Variants in RNF123 observed in about 807,000 individuals in gnomAD.
The protein encoded by RNF123 is E3 ubiquitin-protein ligase RNF123.
RNF123 carries 86 observed loss-of-function variants against 168.5 expected under a neutral mutation model. That is an observed-to-expected ratio of 0.51 (90% confidence interval 0.43 to 0.61). The LOEUF (loss-of-function observed/expected upper bound fraction) is 0.61. Among genes scored for constraint, RNF123 ranks in the 20% least tolerant of loss-of-function variants. The pLI is 0.00. For missense variants in RNF123, 1,419 were observed against 1,729.7 expected, an observed-to-expected ratio of 0.82 and a Z score of 3.19; for synonymous variants, 666 against 689.1, an observed-to-expected ratio of 0.97 and a Z score of 0.52.
chr3:49,706,707 C>A, intron 25 of RNF123, 84 bp from the exon 26 acceptor site: 1 of 1,185,322 alleles, frequency 8.4e-7, no homozygotes, highest in Non-Finnish European at 1.3e-6. Flanking sequence ...CACTAGAGGG[C>A]CCTTCCTAGG....
intron 35 of RNF123, chr3:49,718,555 A>G: frequency 6.2e-7 from 1 of 1,613,096 alleles, no homozygotes; most frequent in Non-Finnish European, 8.5e-7. Context: ...CATGGCCGGG[A>G]CGCTGGTGTT....
chr3:49,718,595 G>A (rs2080306386), intron 35 of RNF123: 5 of 1,612,894 alleles, frequency 3.1e-6, no homozygotes, highest in Non-Finnish European at 3.4e-6. Flanking sequence ...CGACCCACCA[G>A]CGCGTACAGG....
intron 35 of RNF123, 46 bp from the exon 36 acceptor site, chr3:49,720,465 C>A (rs1455197455): frequency 6.6e-7 from 1 of 1,504,018 alleles, no homozygotes; most frequent in Non-Finnish European, 8.9e-7. Flanking sequence ...AGACTTTTAG[C>A]CAGGCCCCAA....
At chr3:49,694,351 A>G (rs1244939736) in intron 3 of RNF123, among the ~76,000 whole-genome samples, 1 of 152,202 alleles carries the variant, frequency 6.6e-6, no homozygotes, top group East Asian at 1.9e-4. Context: ...AGAAGTTTGC[A>G]TCCTATTTTT....
At chr3:49,698,702 G>A in intron 8 of RNF123, 53 bp from the exon 9 acceptor site, 1 of 1,596,944 alleles carries the variant, frequency 6.3e-7, no homozygotes, top group Middle Eastern at 1.7e-4. Flanking sequence ...GGGGTTCAGA[G>A]TCAGCAGGCT....
intron 20 of RNF123, 134 bp downstream of exon 20, chr3:49,702,887 G>A: frequency 7.3e-7 from 1 of 1,368,684 alleles, no homozygotes; most frequent in African/African-American, 1.4e-5. Context: ...GCCTGGTTGA[G>A]TCCTACCCAG....
chr3:49,718,024 G>A (rs758491355), intron 35 of RNF123: 3 of 1,613,708 alleles, frequency 1.9e-6, no homozygotes, highest in Non-Finnish European at 2.5e-6. Context: ...CAGGCCTCCA[G>A]GGTTGTAGAG....
chr3:49,700,216 C>T lies in RNF123; in HGVS notation c.985-11C>T. ...AGGCCACCACCTCACCAGTGCCTGG[C>T]CTTGGTGCAGCGCAAGGTGTATCTG... On this transcript the variant is annotated splice_polypyrimidine_tract_variant and intron_variant, in intron 12 of 38. Coordinates refer to ENST00000327697, the MANE Select transcript of RNF123 (RefSeq NM_022064.5). 1.2e-5 allele frequency: 19 copies of T among 1,613,972 alleles called. No individual in the cohort carries two copies. Among genetic ancestry groups the T allele is most frequent in the Non-Finnish European group, 1.6e-5 (19 of 1,179,960 alleles).
chr3:49,704,810 A>C, intron 22 of RNF123, 54 bp downstream of exon 22: 1 of 1,494,886 alleles, frequency 6.7e-7, no homozygotes, highest in Non-Finnish European at 9.0e-7. Flanking sequence ...CCTGTATCTT[A>C]TGGGCAGGGG....
At position 49,720,851 on chromosome 3, in the gene RNF123, C is replaced by G. The variant is rs1231352732; in HGVS notation, c.3695C>G (p.Ala1232Gly). 5.6e-6 allele frequency: 9 copies of G among 1,614,056 alleles called. No individual in the cohort carries two copies. Among genetic ancestry groups the G allele is most frequent in the Non-Finnish European group, 7.6e-6 (9 of 1,180,034 alleles). Reference sequence around the variant, plus strand: ...CTGGCCCAAGTGGAACAGATGCTGGCGCACCTGACCTCTGCATCTGCCCAG... The same window carrying G: ...CTGGCCCAAGTGGAACAGATGCTGGGGCACCTGACCTCTGCATCTGCCCAG... Reference protein sequence around the residue: ...DELAQVEQMLAHLTSASAQAA... With the variant: ...DELAQVEQMLGHLTSASAQAA... Residue 1232 changes from alanine (A) to glycine (G), a missense_variant, in exon 37 of 39, where the codon GCG becomes GGG. Around this residue, in one of 5 missense-constraint regions of RNF123, gnomAD observed 164 missense variants for 152.3 expected, o/e 1.08. Transcript: ENST00000327697.
Position 49,698,976 on chromosome 3 carries a change from C to G in RNF123, c.639-4C>G. On this transcript the variant is annotated splice_region_variant and splice_polypyrimidine_tract_variant and intron_variant, in intron 9 of 38. Coordinates refer to ENST00000327697, the MANE Select transcript of RNF123 (RefSeq NM_022064.5). The stretch of plus-strand genomic sequence containing the variant: ...CTGGCTCACAGACCCACCCTTCTCC[C>G]CAGGAACGGTGTATCACTGGGCACT... 1 of 1,613,766 alleles carries G rather than the reference C, an allele frequency of 6.2e-7. No individual in the cohort carries two copies.
At chr3:49,710,426 T>C (rs777022742) in intron 26 of RNF123, among the ~76,000 whole-genome samples, 30 of 152,118 alleles carry the variant, frequency 2.0e-4, no homozygotes, top group Non-Finnish European at 3.7e-4. Flanking sequence ...ACTATAGGCA[T>C]ACGCCACCAC....
At chr3:49,708,118 G>A (rs552651030) in intron 26 of RNF123, among the ~76,000 whole-genome samples, 188 of 152,030 alleles carry the variant, frequency 1.2e-3, no homozygotes, top group Non-Finnish European at 2.1e-3. Flanking sequence ...ATGTGCTACC[G>A]CGCCCAGCTA....
intron 35 of RNF123, 21 bp downstream of exon 35, chr3:49,716,498 G>A: frequency 6.2e-7 from 1 of 1,604,320 alleles, no homozygotes; most frequent in Non-Finnish European, 8.5e-7. Context: ...GGGACCGTGG[G>A]CCCCTGTGGG....
At chr3:49,713,054 G>A (rs1463254277) in intron 27 of RNF123, 1 of 640,472 alleles carries the variant, frequency 1.6e-6, no homozygotes, top group Non-Finnish European at 2.8e-6. Flanking sequence ...CACAGCAGGG[G>A]GTGGACCCTG....
At chr3:49,696,939 C>T (rs771579457) in intron 3 of RNF123, 44 of 564,274 alleles carry the variant, frequency 7.8e-5, no homozygotes, top group Non-Finnish European at 1.1e-4. Context: ...GGCCACCACA[C>T]CCGGCCTGGA....
rs777796703 is a variant in RNF123 at position 49,705,113 on chromosome 3, C to T, written c.2089C>T (p.Arg697Trp). The part of the protein sequence containing the change: ...TAAVSLMTPR[R>W]PLSTSEKVKV... ...GGCTGTGAGCCTCATGACCCCACGG[C>T]GGCCTCTGAGCACCTCGGAGAAAGT... Residue 697 changes from arginine to tryptophan, a missense_variant, in exon 23 of 39, where the codon CGG becomes TGG. Arg to Trp is a moderately radical substitution (Grantham distance 101, BLOSUM62 -3). This residue lies in a region of RNF123 where 538 missense variants were observed against 708.8 expected (regional missense o/e 0.76). Transcript: ENST00000327697. The T allele has an allele frequency of 7.7e-5, 124 of 1,610,282 alleles. No individual in the cohort carries two copies. The highest frequency in any genetic ancestry group is 2.0e-4 in the African/African-American group (15 of 75,012).
At chr3:49,719,533 C>G (rs2080340693) in intron 35 of RNF123, 1 of 1,353,740 alleles carries the variant, frequency 7.4e-7, no homozygotes, top group South Asian at 1.3e-5. Flanking sequence ...TCACCCTCTT[C>G]TGCTCTAGTG....
At chr3:49,697,843 G>A in intron 5 of RNF123, 42 bp from the exon 6 acceptor site, 2 of 1,612,798 alleles carry the variant, frequency 1.2e-6, no homozygotes, top group Non-Finnish European at 1.7e-6. Context: ...GAGATGCTCT[G>A]TGTGCCTGGG....
Sources: gnomAD v4.1 joint callset for allele counts (sites outside exome capture counted in the v4.1 genomes callset) on GRCh38, gnomAD v4.1.1 for gene constraint, gnomAD v4.1.1 regional missense constraint, MANE v1.5 for transcripts, NCBI Gene and HGNC (gene_info 2026-07-23, HGNC 2026-07-21) for gene names.